Variants in URAD observed in about 807,000 individuals in gnomAD.
URAD encodes ureidoimidazoline (2-oxo-4-hydroxy-4-carboxy-5-) decarboxylase, also known as putative 2-oxo-4-hydroxy-4-carboxy-5-ureidoimidazoline decarboxylase.
In URAD, 4 loss-of-function variants were observed where a neutral mutation model predicts 4.6. That is an observed-to-expected ratio of 0.87 (90% CI 0.43 to 1.98). URAD has a LOEUF of 1.98. Ranked by LOEUF, URAD falls within the 30% of genes most tolerant of loss-of-function variation. The probability of loss-of-function intolerance (pLI) is 0.03; values close to 1 mark genes in which losing one functional copy is unlikely to be tolerated. For missense variants in URAD, 300 were observed against 255.3 expected, an observed-to-expected ratio of 1.18 and a Z score of -1.19; for synonymous variants, 144 against 118.2, an observed-to-expected ratio of 1.22 and a Z score of -1.41.
At chr13:27,982,260 C>G (rs371935227) in intron 1 of URAD, among the ~76,000 whole-genome samples, 1 of 152,162 alleles carries the variant, frequency 6.6e-6, no homozygotes, top group Admixed American at 6.5e-5. Context: ...GAAACCTCGT[C>G]TCTACTAAAA....
At chr13:27,985,244 G>A (rs1470148998) in intron 1 of URAD, among the ~76,000 whole-genome samples, 2 of 152,118 alleles carry the variant, frequency 1.3e-5, no homozygotes, top group Non-Finnish European at 2.9e-5. Flanking sequence ...GATCACTTGA[G>A]GTCAGGAATT....
chr13:27,978,424 CG>C lies in URAD; in HGVS notation c.203del (p.Pro68ArgfsTer26), dbSNP rs1427684041. Reference sequence around the variant, plus strand: ...GCTGCAGCTCGCTGCCCGCCAGGTCCGGGTGGCAGCGCAGGATGCCCTCCTG... The same window carrying C: ...GCTGCAGCTCGCTGCCCGCCAGGTCCGGTGGCAGCGCAGGATGCCCTCCTG... Reference protein sequence around the residue: ...SGQEGILRCHPDLAGSELQRG... With the variant: ...SGQEGILRCHXDLAGSELQRG... On this transcript the variant is annotated frameshift_variant, in exon 2 of 2. Coordinates refer to ENST00000332715, the MANE Select transcript of URAD (RefSeq NM_001105577.2). LOFTEE classifies it low-confidence loss of function (END_TRUNC). The C allele has an allele frequency of 1.5e-6, 2 of 1,371,204 alleles. No homozygotes were observed. The highest frequency in any genetic ancestry group is 1.9e-6 in the Non-Finnish European group (2 of 1,070,136). 84.9% of individuals were successfully genotyped at this position (1,371,204 alleles called of 1,614,324 possible).
intron 1 of URAD, among the ~76,000 whole-genome samples, chr13:27,985,283 C>T (rs888691043): frequency 6.6e-6 from 1 of 151,948 alleles, no homozygotes; most frequent in Non-Finnish European, 1.5e-5. Context: ...CATGATGAAA[C>T]CCCATCTCTA....
At chr13:27,987,749 C>T (rs1166912253) in intron 1 of URAD, among the ~76,000 whole-genome samples, 1 of 152,160 alleles carries the variant, frequency 6.6e-6, no homozygotes, top group Non-Finnish European at 1.5e-5. Flanking sequence ...CCTTAGCCAC[C>T]GCATTCTTCC....
intron 1 of URAD, among the ~76,000 whole-genome samples, chr13:27,985,423 A>C (rs980647279): frequency 6.6e-6 from 1 of 152,176 alleles, no homozygotes; most frequent in Non-Finnish European, 1.5e-5. Context: ...GTGCCACTGC[A>C]CTCTAGCTTG....
intron 1 of URAD, among the ~76,000 whole-genome samples, chr13:27,979,332 G>A (rs897119369): frequency 6.6e-6 from 1 of 152,160 alleles, no homozygotes; most frequent in African/African-American, 2.4e-5. Flanking sequence ...AGTTACCTGT[G>A]ATTTTCAGTC....
chr13:27,986,573 G>A (rs75710024), intron 1 of URAD, among the ~76,000 whole-genome samples: 5,115 of 152,196 alleles, frequency 0.034, 236 homozygotes, highest in African/African-American at 0.11. Flanking sequence ...CCCCCAAAAC[G>A]TGTGTTAAGT....
At chr13:27,978,510 G>A (rs1012253086) in intron 1 of URAD, 58 bp from the exon 2 acceptor site, 19 of 1,220,876 alleles carry the variant, frequency 1.6e-5, no homozygotes, top group Non-Finnish European at 2.0e-5. Context: ...CCCGCACCGC[G>A]CACTCGAGGG....
In URAD at chr13:27,984,897, T is replaced by C. The variant is rs553777264; in HGVS notation, c.175+3566A>G. Among the ~76,000 whole-genome samples, 380 of 152,264 alleles carry C rather than the reference T, an allele frequency of 2.5e-3. 2 individuals carry two copies. The highest frequency in any genetic ancestry group is 8.7e-3 in the African/African-American group (360 of 41,554). On this transcript the variant is annotated intron_variant, in intron 1 of 1. Coordinates refer to ENST00000332715, the MANE Select transcript of URAD (RefSeq NM_001105577.2). ...CGGAGGCTGAGGCAGGAGAATCGCT[T>C]GAACCCGGGAGGCGGAGGTTGCAGT...
At position 27,978,127 on chromosome 13, in the gene URAD, G is replaced by C. The variant is rs1869763457; in HGVS notation, c.501C>G (p.Arg167=). ...IGSLRLADLL[R]ADPAKL ...GCAGCTACAGCTTGGCGGGGTCTGCGCGGAGGAGGTCGGCCAGGCGCAGGC... is the reference window on the plus strand; with the variant it reads ...GCAGCTACAGCTTGGCGGGGTCTGCCCGGAGGAGGTCGGCCAGGCGCAGGC... The change falls in exon 2 of 2, where the codon CGC becomes CGG. Residue 167 remains arginine, a synonymous_variant. Coordinates refer to ENST00000332715, the MANE Select transcript of URAD (RefSeq NM_001105577.2). The C allele has an allele frequency of 6.6e-7, 1 of 1,525,956 alleles. No homozygotes were observed. 94.5% of individuals were successfully genotyped at this position (1,525,956 alleles called of 1,614,324 possible).
rs1869757445 is a variant in URAD, at chr13:27,978,004, C to T, written c.*102G>A. On this transcript the variant is annotated 3_prime_UTR_variant, in exon 2 of 2. Transcript: ENST00000332715. ...CTTCCTTTGTGCACGTGTGTGGACGCTGTTCCAGGCCCGAGTCCGCCTCCC... is the reference window on the plus strand; with the variant it reads ...CTTCCTTTGTGCACGTGTGTGGACGTTGTTCCAGGCCCGAGTCCGCCTCCC... 1.0e-6 allele frequency: 1 copy of T among 974,328 alleles called. No homozygotes were observed. The allele number at this position is 974,328 out of a possible 1,614,324, so 60.4% of individuals were successfully genotyped here. A position where few individuals can be genotyped will look rare whatever the true frequency, so the allele number is the denominator to read the frequency against.
chr13:27,980,198 G>C (rs999192928), intron 1 of URAD, among the ~76,000 whole-genome samples: 5 of 152,076 alleles, frequency 3.3e-5, no homozygotes, highest in African/African-American at 1.2e-4. Context: ...TAAAGTGCTG[G>C]GATTACAGGT....
In URAD at chr13:27,988,680, C is replaced by G. The variant is rs769514810; in HGVS notation, c.-43G>C. 1 of 1,528,768 alleles carries G rather than the reference C, an allele frequency of 6.5e-7. No individual in the cohort carries two copies. The highest frequency in any genetic ancestry group is 8.8e-7 in the Non-Finnish European group (1 of 1,135,472). The allele number at this position is 1,528,768 out of a possible 1,614,324, so 94.7% of individuals were successfully genotyped here. ...AGACAGCGGGACGTCCAGCTCCCCTCTCGGTGAGTGAGTGACGCTGTCTCG... is the reference window on the plus strand; with the variant it reads ...AGACAGCGGGACGTCCAGCTCCCCTGTCGGTGAGTGAGTGACGCTGTCTCG... On this transcript the variant is annotated 5_prime_UTR_variant, in exon 1 of 2. Transcript: ENST00000332715.
In URAD at chr13:27,978,277, G is replaced by C; in HGVS notation, c.351C>G (p.Phe117Leu). The change falls in exon 2 of 2, where the codon TTC (phenylalanine) becomes TTG (leucine). Residue 117 changes from phenylalanine (F) to leucine (L), a missense_variant. Phe to Leu is a conservative substitution (Grantham distance 22). Coordinates refer to ENST00000332715, the MANE Select transcript of URAD (RefSeq NM_001105577.2). ...TGAAGCGCGCGGCGAGCACGAAGGG[G>C]AAACCGAAGCGCGCGCGGTACTGCG... Reference protein sequence around the residue: ...LNAQYRARFGFPFVLAARFSD... With the variant: ...LNAQYRARFGLPFVLAARFSD... 1 of 1,425,552 alleles carries C rather than the reference G, an allele frequency of 7.0e-7. No individual in the cohort carries two copies. The highest frequency in any genetic ancestry group is 9.1e-7 in the Non-Finnish European group (1 of 1,099,168). 88.3% of individuals were successfully genotyped at this position (1,425,552 alleles called of 1,614,324 possible).
intron 1 of URAD, among the ~76,000 whole-genome samples, chr13:27,985,274 A>G (rs1869992973): frequency 6.6e-6 from 1 of 152,072 alleles, no homozygotes; most frequent in Non-Finnish European, 1.5e-5. Context: ...CATGGCCAAC[A>G]TGATGAAACC....
chr13:27,987,892 TGATAGATAGATAGATAGATAGATAGATA>T (rs6144971), intron 1 of URAD, among the ~76,000 whole-genome samples: 6 of 150,078 alleles, frequency 4.0e-5, no homozygotes, highest in African/African-American at 1.5e-4. Flanking sequence ...AATAGATAGA[TGATAGATAGATAGATAGATAGATAGATA>T]GATAGATAGA....
intron 1 of URAD, among the ~76,000 whole-genome samples, chr13:27,979,311 A>G (rs1469366303): frequency 2.6e-5 from 4 of 152,116 alleles, no homozygotes; most frequent in Non-Finnish European, 5.9e-5. Flanking sequence ...TAAAATTGAA[A>G]AACTCTGGCG....
At chr13:27,987,218 C>T (rs556506318) in intron 1 of URAD, among the ~76,000 whole-genome samples, 2 of 152,260 alleles carry the variant, frequency 1.3e-5, no homozygotes, top group South Asian at 4.1e-4. Context: ...TCCACAGAGG[C>T]CTCTCTGCCC....
Position 27,978,145 on chromosome 13 carries a change from G to C in URAD, c.483C>G (p.Arg161=). 5 of 1,531,496 alleles carry C rather than the reference G, an allele frequency of 3.3e-6. No individual in the cohort carries two copies. Among genetic ancestry groups the C allele is most frequent in the Non-Finnish European group, 4.3e-6 (5 of 1,152,122 alleles). 94.9% of individuals were successfully genotyped at this position (1,531,496 alleles called of 1,614,324 possible). ...LGEVKKIGSL[R]LADLLRADPA... is the part of the protein sequence containing the mutation. ...GGTCTGCGCGGAGGAGGTCGGCCAG[G>C]CGCAGGCTGCCGATCTTCTTCACCT... The change falls in exon 2 of 2, where the codon CGC becomes CGG. Residue 161 remains arginine (R), a synonymous_variant. Coordinates refer to ENST00000332715, the MANE Select transcript of URAD (RefSeq NM_001105577.2).
Sources: allele counts gnomAD v4.1 joint callset (sites outside exome capture counted in the v4.1 genomes callset), GRCh38; gene constraint gnomAD v4.1.1; transcripts MANE v1.5; gene names NCBI Gene and HGNC (gene_info 2026-07-23, HGNC 2026-07-21).